Variants in XYLT1 observed in about 807,000 individuals in gnomAD.
XYLT1 encodes the protein xylosyltransferase 1.
A neutral mutation model predicts 91.3 loss-of-function variants in XYLT1; 36 were observed. The observed-to-expected ratio is 0.39, with a 90% CI of 0.30 to 0.52. The LOEUF (loss-of-function observed/expected upper bound fraction) is 0.52, where lower values mean the gene tolerates loss of function less well. Among genes scored for constraint, XYLT1 ranks in the 20% least tolerant of loss-of-function variants. XYLT1 has a pLI of 0.68. For missense variants in XYLT1, 1,242 were observed against 1,284.5 expected (o/e 0.97, Z 0.51); for synonymous variants, 588 against 532.0 (o/e 1.11, Z -1.45).
intron 11 of XYLT1, among the ~76,000 whole-genome samples, chr16:17,113,876 A>G (rs1966847083): frequency 6.6e-6 from 1 of 152,264 alleles, no homozygotes; most frequent in Non-Finnish European, 1.5e-5. Flanking sequence ...AAGGTGAGGA[A>G]GAACTCATCC....
At chr16:17,349,905 G>T (rs558349553) in intron 2 of XYLT1, among the ~76,000 whole-genome samples, 1 of 151,384 alleles carries the variant, frequency 6.6e-6, no homozygotes, top group East Asian at 1.9e-4. Flanking sequence ...ACGGAGTCTC[G>T]CTCTGTTGCC....
intron 3 of XYLT1, among the ~76,000 whole-genome samples, chr16:17,221,238 C>G (rs546576528): frequency 1.4e-4 from 21 of 152,140 alleles, no homozygotes; most frequent in African/African-American, 5.1e-4. Context: ...AAAAACAGGT[C>G]TCTACTAAAA....
At chr16:17,200,236 AC>A (rs2032512966) in intron 4 of XYLT1, among the ~76,000 whole-genome samples, 1 of 151,670 alleles carries the variant, frequency 6.6e-6, no homozygotes, top group African/African-American at 2.4e-5. Flanking sequence ...AAGAAAAAAA[AC>A]CCCCCAAAAA....
intron 1 of XYLT1, among the ~76,000 whole-genome samples, chr16:17,384,657 G>A (rs2035725346): frequency 6.6e-6 from 1 of 151,742 alleles, no homozygotes; most frequent in Admixed American, 6.6e-5. Context: ...CAGGACACTT[G>A]TTCTCACTAC....
At chr16:17,309,020 A>G (rs1472238104) in intron 2 of XYLT1, among the ~76,000 whole-genome samples, 2 of 152,196 alleles carry the variant, frequency 1.3e-5, no homozygotes, top group African/African-American at 4.8e-5. Flanking sequence ...TCAAGGAAAA[A>G]CAAACGTCTA....
intron 5 of XYLT1, among the ~76,000 whole-genome samples, chr16:17,179,752 C>A (rs924386152): frequency 1.3e-5 from 2 of 152,194 alleles, no homozygotes; most frequent in South Asian, 4.1e-4. Context: ...TTTAAATCAA[C>A]TTTCATTTTA....
At chr16:17,328,813 G>C (rs1345564837) in intron 2 of XYLT1, among the ~76,000 whole-genome samples, 1 of 152,100 alleles carries the variant, frequency 6.6e-6, no homozygotes, top group African/African-American at 2.4e-5. Flanking sequence ...CTCTATTTGA[G>C]AAGGCAGGAA....
intron 3 of XYLT1, among the ~76,000 whole-genome samples, chr16:17,236,677 C>G (rs2141728506): frequency 6.6e-6 from 1 of 152,324 alleles, no homozygotes; most frequent in East Asian, 1.9e-4. Flanking sequence ...AAGGAAGAAT[C>G]TATTCCATGC....
chr16:17,335,706 A>G (rs2034970291), intron 2 of XYLT1, among the ~76,000 whole-genome samples: 1 of 151,844 alleles, frequency 6.6e-6, no homozygotes, highest in Non-Finnish European at 1.5e-5. Flanking sequence ...AAAAAAAAAA[A>G]AAAAATCATT....
intron 2 of XYLT1, among the ~76,000 whole-genome samples, chr16:17,322,976 C>T (rs1008361938): frequency 6.6e-6 from 1 of 152,204 alleles, no homozygotes; most frequent in Admixed American, 6.5e-5. Context: ...AAAGGCAAAA[C>T]AGCAGCTGGT....
chr16:17,203,891 T>C (rs1370617605), intron 3 of XYLT1, among the ~76,000 whole-genome samples: 1 of 152,260 alleles, frequency 6.6e-6, no homozygotes, highest in Non-Finnish European at 1.5e-5. Flanking sequence ...TCTTTTGCCA[T>C]AGTTTTTGAA....
At chr16:17,410,532 A>G (rs905476540) in intron 1 of XYLT1, among the ~76,000 whole-genome samples, 1 of 151,932 alleles carries the variant, frequency 6.6e-6, no homozygotes, top group East Asian at 1.9e-4. Flanking sequence ...ACTCACCCCC[A>G]TGATTAAATC....
At chr16:17,170,414 G>T (rs948841504) in intron 5 of XYLT1, among the ~76,000 whole-genome samples, 1 of 152,204 alleles carries the variant, frequency 6.6e-6, no homozygotes, top group Non-Finnish European at 1.5e-5. Context: ...GGTTCCATCA[G>T]CCTTATGCCT....
chr16:17,408,372 A>C (rs2036060775), intron 1 of XYLT1, among the ~76,000 whole-genome samples: 1 of 152,226 alleles, frequency 6.6e-6, no homozygotes, highest in South Asian at 2.1e-4. Flanking sequence ...TGATCTTCTA[A>C]AGTCAGTATC....
intron 5 of XYLT1, among the ~76,000 whole-genome samples, chr16:17,188,418 T>C (rs926317166): frequency 2.0e-5 from 3 of 152,324 alleles, no homozygotes; most frequent in African/African-American, 7.2e-5. Flanking sequence ...TCGCCTCTTA[T>C]GTTTCACCCA....
At chr16:17,384,038 G>A (rs890277513) in intron 1 of XYLT1, among the ~76,000 whole-genome samples, 1 of 151,880 alleles carries the variant, frequency 6.6e-6, no homozygotes, top group Non-Finnish European at 1.5e-5. Flanking sequence ...ATGAGCCACC[G>A]CGCCGGCCCC....
intron 1 of XYLT1, among the ~76,000 whole-genome samples, chr16:17,396,675 A>G (rs2035891470): frequency 6.6e-6 from 1 of 152,202 alleles, no homozygotes; most frequent in African/African-American, 2.4e-5. Context: ...GTTTGAGACC[A>G]GCCTGGCCAA....
intron 3 of XYLT1, among the ~76,000 whole-genome samples, chr16:17,213,565 T>G (rs2032800911): frequency 6.6e-6 from 1 of 152,154 alleles, no homozygotes. Context: ...TGTCAGACAC[T>G]AAAATGGGGA....
intron 1 of XYLT1, among the ~76,000 whole-genome samples, chr16:17,450,991 T>C (rs2036658429): frequency 6.6e-6 from 1 of 152,142 alleles, no homozygotes; most frequent in African/African-American, 2.4e-5. Flanking sequence ...GAAAAAGCCG[T>C]TGCATGCAAA....
Sources: gnomAD v4.1 joint callset for allele counts (sites outside exome capture counted in the v4.1 genomes callset) on GRCh38, gnomAD v4.1.1 for gene constraint, MANE v1.5 for transcripts, NCBI Gene and HGNC (gene_info 2026-07-23, HGNC 2026-07-21) for gene names.